Variants in ADAMTS7 observed in about 807,000 individuals in gnomAD.
The protein encoded by ADAMTS7 is A disintegrin and metalloproteinase with thrombospondin motifs 7.
Under a neutral mutation model 172.6 loss-of-function variants are expected in ADAMTS7, and 89 were observed. The observed-to-expected ratio is 0.52, with a 90% CI of 0.43 to 0.61. ADAMTS7 has a LOEUF of 0.61. Among genes scored for constraint, ADAMTS7 ranks in the 20% least tolerant of loss-of-function variants. The probability of loss-of-function intolerance (pLI) is 0.00; values close to 1 mark genes in which losing one functional copy is unlikely to be tolerated. For missense variants in ADAMTS7, 1,973 were observed against 2,355.6 expected (o/e 0.84, Z 3.36); for synonymous variants, 885 against 978.4 (o/e 0.90, Z 1.78).
chr15:78,767,472 G>T lies in ADAMTS7; in HGVS notation c.2766C>A (p.Pro922=). 1.2e-6 allele frequency: 2 copies of T among 1,611,450 alleles called. No homozygotes were observed. The highest frequency in any genetic ancestry group is 1.7e-6 in the Non-Finnish European group (2 of 1,179,732). The change falls in exon 18 of 24, where the codon CCC becomes CCA. Residue 922 remains proline (P), a synonymous_variant. Coordinates refer to ENST00000388820, the MANE Select transcript of ADAMTS7 (RefSeq NM_014272.5). Reference sequence around the variant, plus strand: ...GGGGCCGGGGAAGGTGTTCACAGGCGGGTGGCTCCAGGGCGCTCTGCTCAT... The same window carrying T: ...GGGGCCGGGGAAGGTGTTCACAGGCTGGTGGCTCCAGGGCGCTCTGCTCAT... The part of the protein sequence containing the change: ...GLDEQSALEP[P]ACEHLPRPPT...
chr15:78,776,590 A>T (rs543514056), intron 10 of ADAMTS7, 159 bp downstream of exon 10: 1 of 876,174 alleles, frequency 1.1e-6, no homozygotes, highest in Non-Finnish European at 1.7e-6. Flanking sequence ...CCTGGCCCCA[A>T]TGCCTCCACT....
rs1244098271 is a variant in ADAMTS7, at chr15:78,771,178, T to G, written c.2502A>C (p.Thr834=). Residue 834 remains threonine (T), a synonymous_variant, in exon 16 of 24, where the codon ACA becomes ACC. Coordinates refer to ENST00000388820, the MANE Select transcript of ADAMTS7 (RefSeq NM_014272.5). The surrounding 1 kb of genome is among the most constrained non-coding windows in gnomAD (Gnocchi z 4.9). ...ACTTCTCACCTCTGCCGCAGGTGAC[T>G]GTGCACTTGGTCCAGGGCCCATAAT... ...SWHYGPWTKC[T]VTCGRGVQRQ... The G allele has an allele frequency of 6.2e-7, 1 of 1,610,222 alleles. No homozygotes were observed. The highest frequency in any genetic ancestry group is 1.3e-5 in the African/African-American group (1 of 74,908).
chr15:78,800,521 G>T lies in ADAMTS7; in HGVS notation c.127C>A (p.Leu43Met), dbSNP rs368772346. The change falls in exon 2 of 24, where the codon CTG becomes ATG. Residue 43 changes from leucine to methionine, a missense_variant. Leu to Met is a conservative substitution (Grantham distance 15). Transcript: ENST00000388820. ...PGRATEGRAA[L>M]DIVHPVRVDA... ...ACTCGAACCGGGTGCACGATGTCCAGTGCCGCCCGGCCCTCGGTTGCACGT... is the reference window on the plus strand; with the variant it reads ...ACTCGAACCGGGTGCACGATGTCCATTGCCGCCCGGCCCTCGGTTGCACGT... The T allele has an allele frequency of 9.4e-6, 15 of 1,603,000 alleles. No homozygotes were observed. In the African/African-American group the frequency reaches 1.9e-4, roughly 20 times the overall value.
intron 17 of ADAMTS7, among the ~76,000 whole-genome samples, chr15:78,767,901 G>T (rs1596175948): frequency 2.0e-5 from 3 of 151,588 alleles, no homozygotes; most frequent in African/African-American, 7.3e-5. Context: ...CTAGGCTGGG[G>T]TGAGGGGTAA....
At chr15:78,789,943 G>A in intron 6 of ADAMTS7, 105 bp from the exon 7 acceptor site, 1 of 1,440,930 alleles carries the variant, frequency 6.9e-7, no homozygotes, top group Non-Finnish European at 9.3e-7. Context: ...AAGCGAAAAG[G>A]ATGTCTCTCC....
At chr15:78,778,481 A>C (rs1241108042) in intron 8 of ADAMTS7, among the ~76,000 whole-genome samples, 1 of 152,230 alleles carries the variant, frequency 6.6e-6, no homozygotes, top group African/African-American at 2.4e-5. Flanking sequence ...TAGCAGCAGG[A>C]GTGCCCTGGC....
At chr15:78,791,868 G>A (rs1334681327) in intron 4 of ADAMTS7, among the ~76,000 whole-genome samples, 1 of 152,186 alleles carries the variant, frequency 6.6e-6, no homozygotes, top group East Asian at 1.9e-4. Context: ...GCTCCCTACT[G>A]AGACCCAGGA....
chr15:78,763,621 C>T, intron 22 of ADAMTS7, 78 bp downstream of exon 22: 1 of 1,472,606 alleles, frequency 6.8e-7, no homozygotes, highest in South Asian at 1.4e-5. Context: ...ACACACTCCA[C>T]AGCTCCTTCA....
In ADAMTS7 at chr15:78,762,240, C is replaced by T. The variant is rs535648700; in HGVS notation, c.4903+163G>A. Among the ~76,000 whole-genome samples, 6 of 152,374 alleles carry T rather than the reference C, an allele frequency of 3.9e-5. No homozygotes were observed. The South Asian group carries it at 1.2e-3, about 32-fold the overall frequency. ...CAGCACAGCCCAGCCTCCAGCATGG[C>T]ATCCTGTGGCATCAGGATTTTCAGT... On this transcript the variant is annotated intron_variant, in intron 23 of 23. Coordinates refer to ENST00000388820, the MANE Select transcript of ADAMTS7 (RefSeq NM_014272.5).
At chr15:78,784,376 C>CAG (rs1265112821) in intron 8 of ADAMTS7, among the ~76,000 whole-genome samples, 21 of 100,006 alleles carry the variant, frequency 2.1e-4, no homozygotes, top group African/African-American at 4.4e-4. Context: ...GAAAGAAAGA[C>CAG]AGAGAGAGAG....
chr15:78,772,056 A>G (rs1197460409), intron 14 of ADAMTS7, among the ~76,000 whole-genome samples: 1 of 152,078 alleles, frequency 6.6e-6, no homozygotes, highest in African/African-American at 2.4e-5. Context: ...TTGGGGACCT[A>G]CACTGGTCTC....
intron 23 of ADAMTS7, among the ~76,000 whole-genome samples, chr15:78,760,731 G>A (rs891330703): frequency 6.6e-6 from 1 of 152,132 alleles, no homozygotes; most frequent in Non-Finnish European, 1.5e-5. Context: ...GGAATTCCAG[G>A]TCTCCAAGTC....
intron 1 of ADAMTS7, among the ~76,000 whole-genome samples, chr15:78,805,517 T>C (rs2055776545): frequency 6.6e-6 from 1 of 152,182 alleles, no homozygotes; most frequent in African/African-American, 2.4e-5. Flanking sequence ...TCCATATTCA[T>C]TCCCAGTACT....
At chr15:78,791,007 T>A in intron 5 of ADAMTS7, 133 bp downstream of exon 5, 1 of 1,244,058 alleles carries the variant, frequency 8.0e-7, no homozygotes, top group Non-Finnish European at 1.1e-6. Flanking sequence ...AACCAGGGGG[T>A]GGCAGGGGAC....
chr15:78,805,985 T>C, intron 1 of ADAMTS7, among the ~76,000 whole-genome samples: 1 of 149,422 alleles, frequency 6.7e-6, no homozygotes. Context: ...GAGGCTGAGG[T>C]GGGAGGATTA....
chr15:78,761,787 C>T (rs12916648), intron 23 of ADAMTS7: 331,828 of 879,512 alleles, frequency 0.38, 74,004 homozygotes, highest in Non-Finnish European at 0.41. Flanking sequence ...CTGGAGGCGG[C>T]GGCAGGGGTG....
In ADAMTS7 at chr15:78,800,557, G is replaced by C. The variant is rs1335729201; in HGVS notation, c.101-10C>G. On this transcript the variant is annotated splice_polypyrimidine_tract_variant and intron_variant, in intron 1 of 23. Coordinates refer to ENST00000388820, the MANE Select transcript of ADAMTS7 (RefSeq NM_014272.5). ...CCCTCGGTTGCACGTCCTGCAGGGA[G>C]AGAACCACAAACGCCTAGGCCCAGG... 1.3e-6 allele frequency: 2 copies of C among 1,580,392 alleles called. No homozygotes were observed. Among genetic ancestry groups the C allele is most frequent in the Non-Finnish European group, 1.7e-6 (2 of 1,163,588 alleles).
intron 2 of ADAMTS7, among the ~76,000 whole-genome samples, chr15:78,798,429 G>A (rs1237789804): frequency 2.0e-5 from 3 of 152,126 alleles, no homozygotes; most frequent in Admixed American, 6.5e-5. Flanking sequence ...CTGACAAAAC[G>A]GTGTCTTAGT....
rs1362828838 is a variant in ADAMTS7, at chr15:78,771,531, G to A, written c.2376+54C>T. 7 of 1,554,236 alleles carry A rather than the reference G, an allele frequency of 4.5e-6. No homozygotes were observed. The highest frequency in any genetic ancestry group is 1.2e-5 in the South Asian group (1 of 85,872). ...GACGAGACCTGCCATGGAGGGTGCT[G>A]GGCCTGGGGACTCCGCCTCTGCTCC... On this transcript the variant is annotated intron_variant, in intron 15 of 23. Coordinates refer to ENST00000388820, the MANE Select transcript of ADAMTS7 (RefSeq NM_014272.5). The surrounding 1 kb of genome is among the most constrained non-coding windows in gnomAD (Gnocchi z 4.9).
Sources: gnomAD v4.1 joint callset for allele counts (sites outside exome capture counted in the v4.1 genomes callset) on GRCh38, gnomAD v4.1.1 for gene constraint, Gnocchi (gnomAD v3.1) non-coding constraint, MANE v1.5 for transcripts, NCBI Gene and HGNC (gene_info 2026-07-23, HGNC 2026-07-21) for gene names.